SLC25A6: variants seen among roughly 807,000 people sequenced by gnomAD.
SLC25A6 encodes the protein solute carrier family 25 member 6, also known as ADP/ATP translocase 3.
Under a neutral mutation model 25.7 loss-of-function variants are expected in SLC25A6, and 9 were observed. The ratio of observed to expected loss-of-function variants is 0.35; its 90% CI spans 0.21 to 0.61. The LOEUF (loss-of-function observed/expected upper bound fraction) is 0.61. Among genes scored for constraint, SLC25A6 ranks in the 20% least tolerant of loss-of-function variants. SLC25A6 has a pLI of 0.76. For missense variants in SLC25A6, 404 were observed against 440.5 expected (o/e 0.92, Z 0.74); for synonymous variants, 223 against 197.0 (o/e 1.13, Z -1.11).
chrX:1,386,509 T>C lies in SLC25A6; in HGVS notation c.*93A>G. 7.5e-7 allele frequency: 1 copy of C among 1,337,648 alleles called. No homozygotes were observed. Among genetic ancestry groups the C allele is most frequent in the South Asian group, 2.3e-5 (1 of 43,046 alleles). 82.9% of individuals were successfully genotyped at this position (1,337,648 alleles called of 1,614,324 possible). A position where few individuals can be genotyped will look rare whatever the true frequency, so the allele number is the denominator to read the frequency against. On this transcript the variant is annotated 3_prime_UTR_variant, in exon 4 of 4. Coordinates refer to ENST00000381401, the MANE Select transcript of SLC25A6 (RefSeq NM_001636.4). ...CGGCTGGGAAAAAGACAACTGGAATTTCTCGAAGGTTGATGGTCCGCACGG... is the reference window on the plus strand; with the variant it reads ...CGGCTGGGAAAAAGACAACTGGAATCTCTCGAAGGTTGATGGTCCGCACGG...
chrX:1,387,368 G>A lies in SLC25A6; in HGVS notation c.650C>T (p.Ala217Val), dbSNP rs1247758305. 5.0e-6 allele frequency: 8 copies of A among 1,613,214 alleles called. No individual in the cohort carries two copies. Among genetic ancestry groups the A allele is most frequent in the East Asian group, 2.2e-5 (1 of 44,884 alleles). ...GCCGGCCACGGCCGTCACGGTCTGC[G>A]CGATCATCCAGCTCACCACGATGTG... Reference protein sequence around the residue: ...NTHIVVSWMIAQTVTAVAGVV... With the variant: ...NTHIVVSWMIVQTVTAVAGVV... Residue 217 changes from alanine to valine, a missense_variant, in exon 3 of 4, where the codon GCG (alanine) becomes GTG (valine). Physicochemically the swap from Ala to Val is moderately conservative, Grantham distance 64 (BLOSUM62 0). Coordinates refer to ENST00000381401, the MANE Select transcript of SLC25A6 (RefSeq NM_001636.4).
rs1257125509 is a variant in SLC25A6 at position 1,386,243 on chromosome X, G to A, written c.*359C>T. ...TCGGCTGTGCAAAACAGGGGCTAGC[G>A]CTGAAGTACAAATGGGAAAACGTGA... On this transcript the variant is annotated 3_prime_UTR_variant, in exon 4 of 4. Transcript: ENST00000381401. 4 of 227,614 alleles carry A rather than the reference G, an allele frequency of 1.8e-5. No individual in the cohort carries two copies. The highest frequency in any genetic ancestry group is 1.6e-4 in the South Asian group (1 of 6,270). The allele number at this position is 227,614 out of a possible 1,614,324, so 14.1% of individuals were successfully genotyped here.
In SLC25A6 at chrX:1,387,225, C is replaced by T; in HGVS notation, c.739+54G>A. ...TTCCTGACCTCCCACGGGCCTAGGG[C>T]AAGGAGCTTGGTTCCCCTTCCCGGC... On this transcript the variant is annotated intron_variant, in intron 3 of 3. Transcript: ENST00000381401. 1.9e-6 allele frequency: 3 copies of T among 1,597,874 alleles called. No homozygotes were observed. In the South Asian group the frequency reaches 3.3e-5, roughly 18 times the overall value.
At chrX:1,389,137 A>G in intron 2 of SLC25A6, 104 bp downstream of exon 2, 2 of 1,315,698 alleles carry the variant, frequency 1.5e-6, no homozygotes, top group Non-Finnish European at 2.1e-6. Context: ...AGGAGGAACC[A>G]GCCCTGCCCA....
chrX:1,388,042 C>T lies in SLC25A6; in HGVS notation c.599-623G>A, dbSNP rs2089349662. Among the ~76,000 whole-genome samples, 3 of 150,768 alleles carry T rather than the reference C, an allele frequency of 2.0e-5. No homozygotes were observed. In the South Asian group the frequency reaches 6.3e-4, roughly 32 times the overall value. ...TCCAGGACTCCGGGAGAATCAATGTCTGCTGTTTATAAGCCACCCAGTCTA... is the reference window on the plus strand; with the variant it reads ...TCCAGGACTCCGGGAGAATCAATGTTTGCTGTTTATAAGCCACCCAGTCTA... On this transcript the variant is annotated intron_variant, in intron 2 of 3. Transcript: ENST00000381401.
At chrX:1,389,129 G>A (rs1322585499) in intron 2 of SLC25A6, 112 bp downstream of exon 2, 24 of 1,230,876 alleles carry the variant, frequency 1.9e-5, no homozygotes, top group Non-Finnish European at 2.7e-5. Flanking sequence ...GAGGCCGCAG[G>A]AGGAACCAGC....
intron 1 of SLC25A6, among the ~76,000 whole-genome samples, chrX:1,391,280 C>T (rs2089405871): frequency 6.6e-6 from 1 of 152,174 alleles, no homozygotes; most frequent in Non-Finnish European, 1.5e-5. Flanking sequence ...TCATTCCCAT[C>T]ACCGAGCTGT....
rs200697890 is a variant in SLC25A6 at position 1,386,704 on chromosome X, C to T, written c.795G>A (p.Glu265=). ...VDCWRKIFRD[E]GGKAFFKGAW... ...CACCCTTGAAGAAGGCCTTGCCCCC[C>T]TCATCTCTGAAGATCTTCCTCCAAC... Residue 265 remains glutamate (E), a synonymous_variant, in exon 4 of 4, where the codon GAG becomes GAA. Coordinates refer to ENST00000381401, the MANE Select transcript of SLC25A6 (RefSeq NM_001636.4). The T allele has an allele frequency of 9.3e-6, 15 of 1,612,724 alleles. No homozygotes were observed. The African/African-American group carries it at 1.7e-4, about 19-fold the overall frequency.
Position 1,390,767 on chromosome X carries a change from C to T in SLC25A6, c.112-1040G>A, listed in dbSNP as rs757212959. Among the ~76,000 whole-genome samples, 7 of 150,538 alleles carry T rather than the reference C, an allele frequency of 4.6e-5. No homozygotes were observed. The South Asian group carries it at 1.5e-3, about 32-fold the overall frequency. ...CTCAAACTCCTGGGCTCAAACGATC[C>T]TCCCTGGGCCTCTCCGAGTGCTGGG... On this transcript the variant is annotated intron_variant, in intron 1 of 3. Transcript: ENST00000381401.
rs757655701 is a variant in SLC25A6, at chrX:1,391,779, C to A, written c.111+120G>T. On this transcript the variant is annotated intron_variant, in intron 1 of 3. Transcript: ENST00000381401. ...GGAAGCCGGCGGCGCGTGGACAAAG[C>A]GATCGCGGCCTTCCACTTCCGGCGC... The A allele has an allele frequency of 7.4e-5, 52 of 706,424 alleles. No individual in the cohort carries two copies. The African/African-American group carries it at 8.6e-4, about 12-fold the overall frequency. The allele number at this position is 706,424 out of a possible 1,614,324, so 43.8% of individuals were successfully genotyped here. A position where few individuals can be genotyped will look rare whatever the true frequency, so the allele number is the denominator to read the frequency against.
At chrX:1,391,428 T>TG (rs1386253979) in intron 1 of SLC25A6, among the ~76,000 whole-genome samples, 2 of 151,960 alleles carry the variant, frequency 1.3e-5, no homozygotes, top group Admixed American at 6.6e-5. Flanking sequence ...AAGAAGGGGG[T>TG]AAGAACCACC....
rs2089421603 is a variant in SLC25A6 at position 1,392,036 on chromosome X, A to T, written c.-27T>A. ...GTGGCAGGGCGGGCAGCGGAACGGG[A>T]GGACAGCCGGAGAACGGGCGCGGAG... On this transcript the variant is annotated 5_prime_UTR_variant, in exon 1 of 4. Transcript: ENST00000381401. 1.9e-6 allele frequency: 3 copies of T among 1,555,802 alleles called. No homozygotes were observed. The highest frequency in any genetic ancestry group is 2.6e-6 in the Non-Finnish European group (3 of 1,137,702).
chrX:1,387,259 TC>T lies in SLC25A6; in HGVS notation c.739+19del. 1 of 1,607,574 alleles carries T rather than the reference TC, an allele frequency of 6.2e-7. No homozygotes were observed. On this transcript the variant is annotated intron_variant, in intron 3 of 3. Coordinates refer to ENST00000381401, the MANE Select transcript of SLC25A6 (RefSeq NM_001636.4). ...TGGTTCCCCTTCCCGGCAGCAAGGG[TC>T]CCCCGCCCCCCCGAGTACCTCCTTT...
intron 3 of SLC25A6, 69 bp from the exon 4 acceptor site, chrX:1,386,828 C>CA: frequency 6.6e-7 from 1 of 1,525,072 alleles, no homozygotes; most frequent in Non-Finnish European, 8.9e-7. Flanking sequence ...CACCTGCACC[C>CA]ACAAAGACGT....
chrX:1,392,062 A>T lies in SLC25A6; in HGVS notation c.-53T>A. 1 of 1,369,514 alleles carries T rather than the reference A, an allele frequency of 7.3e-7. No individual in the cohort carries two copies. Among genetic ancestry groups the T allele is most frequent in the Admixed American group, 1.9e-5 (1 of 51,766 alleles). 84.8% of individuals were successfully genotyped at this position (1,369,514 alleles called of 1,614,324 possible). A position where few individuals can be genotyped will look rare whatever the true frequency, so the allele number is the denominator to read the frequency against. ...GGACAGCCGGAGAACGGGCGCGGAG[A>T]GTGAATGGAGGGCGTCGCTGGCTCA... On this transcript the variant is annotated 5_prime_UTR_variant, in exon 1 of 4. Transcript: ENST00000381401.
chrX:1,388,570 A>G (rs1274235399), intron 2 of SLC25A6, among the ~76,000 whole-genome samples: 1 of 150,236 alleles, frequency 6.7e-6, no homozygotes, highest in Non-Finnish European at 1.5e-5. Context: ...ATGGACTAAG[A>G]CATCTCATAA....
At position 1,390,923 on chromosome X, in the gene SLC25A6, G is replaced by A. The variant is rs745352676; in HGVS notation, c.111+976C>T. ...CTCAAAGTGCGGGGACACCCCGCCT[G>A]CTAAGTTTTAAAAATTTTCTTAGAG... is the stretch of plus-strand genomic sequence containing the variant. On this transcript the variant is annotated intron_variant, in intron 1 of 3. Coordinates refer to ENST00000381401, the MANE Select transcript of SLC25A6 (RefSeq NM_001636.4). Among the ~76,000 whole-genome samples, 10 of 150,002 alleles carry A rather than the reference G, an allele frequency of 6.7e-5. No individual in the cohort carries two copies. In the South Asian group the frequency reaches 1.9e-3, roughly 28 times the overall value.
intron 3 of SLC25A6, 42 bp from the exon 4 acceptor site, chrX:1,386,801 C>A: frequency 6.3e-7 from 1 of 1,586,156 alleles, no homozygotes; most frequent in African/African-American, 1.4e-5. Context: ...CCGCCAAGCT[C>A]TTCAAGACAC....
In SLC25A6 at chrX:1,386,441, G is replaced by GCC; in HGVS notation, c.*159_*160dup. The GCC allele has an allele frequency of 1.1e-6, 1 of 934,244 alleles. No individual in the cohort carries two copies. 57.9% of individuals were successfully genotyped at this position (934,244 alleles called of 1,614,324 possible). Reference sequence around the variant, plus strand: ...GCTGCCGATGGTTGGATCGCAATGCGCCCCTTTTCTAGAGCCTTCCCCGGC... The same window carrying GCC: ...GCTGCCGATGGTTGGATCGCAATGCGCCCCCCTTTTCTAGAGCCTTCCCCGGC... On this transcript the variant is annotated 3_prime_UTR_variant, in exon 4 of 4. Transcript: ENST00000381401.
Sources: allele counts gnomAD v4.1 joint callset (sites outside exome capture counted in the v4.1 genomes callset), GRCh38; gene constraint gnomAD v4.1.1; transcripts MANE v1.5; gene names NCBI Gene and HGNC (gene_info 2026-07-23, HGNC 2026-07-21).